The following POPDC1 variants were observed in gnomAD, a reference collection of about 807,000 sequenced individuals.
POPDC1 encodes popeye domain-containing protein 1.
chr6:105,102,355 G>T, the POPDC1 span, among the ~76,000 whole-genome samples: 1 of 152,208 alleles, frequency 6.6e-6, no homozygotes, highest in Admixed American at 6.5e-5. Context: ...CAGACAGCTG[G>T]GTTGGCCAGC....
At chr6:105,110,252 T>C in the POPDC1 span, among the ~76,000 whole-genome samples, 13 of 152,318 alleles carry the variant, frequency 8.5e-5, no homozygotes, top group African/African-American at 3.1e-4. Flanking sequence ...TAGCTGAATA[T>C]CCCAAACAAG....
chr6:105,129,615 T>A, the POPDC1 span: 43 of 1,102,292 alleles, frequency 3.9e-5, no homozygotes, highest in Middle Eastern at 6.6e-4. Context: ...CTGAAGGTGA[T>A]ACTTTGCAAG....
At chr6:105,122,966 A>G in the POPDC1 span, among the ~76,000 whole-genome samples, 1 of 152,204 alleles carries the variant, frequency 6.6e-6, no homozygotes, top group Admixed American at 6.5e-5. Context: ...TACTCAGGCC[A>G]GTTATTCAGG....
At chr6:105,116,991 T>C in the POPDC1 span, 1 of 983,884 alleles carries the variant, frequency 1.0e-6, no homozygotes, top group Non-Finnish European at 1.4e-6. Context: ...TGTCAAATTA[T>C]AAAAAAAAGG....
the POPDC1 span, among the ~76,000 whole-genome samples, chr6:105,116,245 A>T: frequency 6.6e-6 from 1 of 151,524 alleles, no homozygotes; most frequent in Non-Finnish European, 1.5e-5. Flanking sequence ...ATCAAATTGC[A>T]AATTGCTGAA....
At chr6:105,119,911 G>A in the POPDC1 span, among the ~76,000 whole-genome samples, 1 of 152,092 alleles carries the variant, frequency 6.6e-6, no homozygotes, top group Non-Finnish European at 1.5e-5. Context: ...TAAAATAATA[G>A]TATTCAAATA....
At chr6:105,127,061 G>T in the POPDC1 span, among the ~76,000 whole-genome samples, 1 of 152,162 alleles carries the variant, frequency 6.6e-6, no homozygotes, top group Non-Finnish European at 1.5e-5. Flanking sequence ...TGGGTGGATG[G>T]AAAACCATAC....
the POPDC1 span, chr6:105,100,895 C>T: frequency 2.1e-6 from 1 of 472,534 alleles, no homozygotes; most frequent in Non-Finnish European, 3.5e-6. Flanking sequence ...AAAACAATTA[C>T]TTTAAAAGCT....
At chr6:105,109,909 T>C in the POPDC1 span, among the ~76,000 whole-genome samples, 1 of 152,084 alleles carries the variant, frequency 6.6e-6, no homozygotes, top group Non-Finnish European at 1.5e-5. Flanking sequence ...TCTTTTTTTT[T>C]CACTGTAAGG....
chr6:105,133,287 C>T, the POPDC1 span: 1 of 1,345,332 alleles, frequency 7.4e-7, no homozygotes, highest in East Asian at 2.4e-5. Flanking sequence ...CTGAAGCTCT[C>T]AATGTAAAGC....
the POPDC1 span, among the ~76,000 whole-genome samples, chr6:105,111,618 CAGAG>C: frequency 6.6e-6 from 1 of 152,238 alleles, no homozygotes; most frequent in South Asian, 2.1e-4. Context: ...ACTGAATAAA[CAGAG>C]AGAATGACTT....
At chr6:105,132,708 T>C in the POPDC1 span, among the ~76,000 whole-genome samples, 1 of 152,236 alleles carries the variant, frequency 6.6e-6, no homozygotes. Context: ...ACAGATTCAA[T>C]TGTTTTAATG....
the POPDC1 span, among the ~76,000 whole-genome samples, chr6:105,109,965 A>T: frequency 3.7e-4 from 56 of 152,006 alleles, no homozygotes; most frequent in Non-Finnish European, 3.7e-4. Context: ...GATAATTTAA[A>T]CAATTTTGAC....
chr6:105,106,160 A>T, the POPDC1 span, among the ~76,000 whole-genome samples: 1 of 152,232 alleles, frequency 6.6e-6, no homozygotes, highest in African/African-American at 2.4e-5. Flanking sequence ...GTATATAAAC[A>T]GTATCATACT....
the POPDC1 span, among the ~76,000 whole-genome samples, chr6:105,106,722 C>T: frequency 3.9e-5 from 6 of 152,126 alleles, no homozygotes; most frequent in Admixed American, 3.3e-4. Flanking sequence ...CCATGGAGGG[C>T]GGGCTTGGGC....
At chr6:105,109,021 C>T in the POPDC1 span, among the ~76,000 whole-genome samples, 3 of 152,124 alleles carry the variant, frequency 2.0e-5, no homozygotes, top group Non-Finnish European at 4.4e-5. Context: ...AATGCAGTGT[C>T]GTGATCTTGA....
chr6:105,132,653 A>T, the POPDC1 span, among the ~76,000 whole-genome samples: 1 of 152,254 alleles, frequency 6.6e-6, no homozygotes, highest in Non-Finnish European at 1.5e-5. Flanking sequence ...CATCAGGGAA[A>T]TAATCACATA....
chr6:105,130,472 A>C, the POPDC1 span, among the ~76,000 whole-genome samples: 3 of 152,314 alleles, frequency 2.0e-5, no homozygotes, highest in East Asian at 5.8e-4. Flanking sequence ...AGTTTTTTAC[A>C]ATATTGAAGA....
At chr6:105,105,133 T>C in the POPDC1 span, among the ~76,000 whole-genome samples, 1 of 152,140 alleles carries the variant, frequency 6.6e-6, no homozygotes, top group African/African-American at 2.4e-5. Flanking sequence ...TCTGCAAAAG[T>C]TCTTGATTCA....
Sources: allele counts gnomAD v4.1 joint callset (sites outside exome capture counted in the v4.1 genomes callset), GRCh38; gene constraint gnomAD v4.1.1; transcripts MANE v1.5; gene names NCBI Gene and HGNC (gene_info 2026-07-23, HGNC 2026-07-21).